Variants in C2orf72 observed in about 807,000 individuals in gnomAD.
C2orf72 encodes the protein chromosome 2 open reading frame 72.
In C2orf72, 16 loss-of-function variants were observed where a neutral mutation model predicts 14.4. The ratio of observed to expected loss-of-function variants is 1.11; its 90% CI spans 0.75 to 1.69. The LOEUF (loss-of-function observed/expected upper bound fraction) is 1.69. Ranked by LOEUF, C2orf72 falls within the 40% of genes most tolerant of loss-of-function variation. C2orf72 has a pLI of 0.00. For missense variants in C2orf72, 371 were observed against 358.3 expected, an observed-to-expected ratio of 1.04 and a Z score of -0.29; for synonymous variants, 168 against 176.8, an observed-to-expected ratio of 0.95 and a Z score of 0.40.
At chr2:231,039,787 G>A (rs1693316840) in intron 1 of C2orf72, among the ~76,000 whole-genome samples, 2 of 151,464 alleles carry the variant, frequency 1.3e-5, no homozygotes, top group Admixed American at 6.6e-5. Flanking sequence ...TTGTTGCCCA[G>A]GCTGGAGTGC....
chr2:231,046,559 T>A (rs189778598), intron 2 of C2orf72, among the ~76,000 whole-genome samples: 1 of 152,242 alleles, frequency 6.6e-6, no homozygotes, highest in African/African-American at 2.4e-5. Context: ...GTTGGTTGAT[T>A]CAGGGGCTCA....
At chr2:231,044,624 T>C (rs1231093788) in intron 2 of C2orf72, among the ~76,000 whole-genome samples, 2 of 151,810 alleles carry the variant, frequency 1.3e-5, no homozygotes, top group African/African-American at 4.8e-5. Flanking sequence ...AAAAATATTT[T>C]CTTTCTTTAT....
rs143498394 is a variant in C2orf72 at position 231,041,916 on chromosome 2, A to G, written c.748+507A>G. Reference sequence around the variant, plus strand: ...TGCAGAAGGAAACCAGTGAGGGCCAAGGCTGAAGGGAAGAGTTTGGACCAA... The same window carrying G: ...TGCAGAAGGAAACCAGTGAGGGCCAGGGCTGAAGGGAAGAGTTTGGACCAA... On this transcript the variant is annotated intron_variant, in intron 2 of 2. Coordinates refer to ENST00000373640, the MANE Select transcript of C2orf72 (RefSeq NM_001144994.2). Among the ~76,000 whole-genome samples, 129 of 152,272 alleles carry G rather than the reference A, an allele frequency of 8.5e-4. 1 individual carries two copies. The highest frequency in any genetic ancestry group is 2.7e-3 in the African/African-American group (113 of 41,538).
chr2:231,040,549 C>T (rs1693327941), intron 1 of C2orf72, among the ~76,000 whole-genome samples: 1 of 152,234 alleles, frequency 6.6e-6, no homozygotes, highest in Admixed American at 6.5e-5. Flanking sequence ...GCAGCTTTTG[C>T]AGTGGGCAGA....
intron 2 of C2orf72, among the ~76,000 whole-genome samples, chr2:231,042,930 G>A (rs377293437): frequency 2.0e-5 from 3 of 152,238 alleles, no homozygotes; most frequent in African/African-American, 4.8e-5. Context: ...CTTGGACCCC[G>A]GAGGTGGAGG....
chr2:231,044,945 TTATA>T (rs58611878), intron 2 of C2orf72, among the ~76,000 whole-genome samples: 40 of 141,660 alleles, frequency 2.8e-4, no homozygotes, highest in Non-Finnish European at 5.9e-4. Context: ...ATATATATCT[TTATA>T]TATATATATA....
intron 1 of C2orf72, 133 bp from the exon 2 acceptor site, chr2:231,041,161 ACT>A (rs1693334641): frequency 3.3e-6 from 2 of 603,474 alleles, no homozygotes; most frequent in Non-Finnish European, 5.6e-6. Flanking sequence ...TGCAAATCAG[ACT>A]CTGTGTTTTT....
At chr2:231,044,666 A>AT (rs934535205) in intron 2 of C2orf72, among the ~76,000 whole-genome samples, 15,675 of 115,026 alleles carry the variant, frequency 0.14, 2,425 homozygotes, top group African/African-American at 0.38. Context: ...TCCTATTTTA[A>AT]TTTTTTTTTT....
intron 1 of C2orf72, among the ~76,000 whole-genome samples, chr2:231,040,618 T>TAAAA (rs1435457750): frequency 3.9e-5 from 6 of 152,362 alleles, no homozygotes; most frequent in South Asian, 4.1e-4. Flanking sequence ...TGGTTGGATC[T>TAAAA]GTTTTTTTAA....
At position 231,047,164 on chromosome 2, in the gene C2orf72, T is replaced by A; in HGVS notation, c.*143T>A. On this transcript the variant is annotated 3_prime_UTR_variant, in exon 3 of 3. Transcript: ENST00000373640. ...ACACTCACAGTTACCAGCTAGACAG[T>A]GGGGCTTACTAAGACAAGCAGGACC... 2.0e-6 allele frequency: 2 copies of A among 1,006,038 alleles called. No individual in the cohort carries two copies. The highest frequency in any genetic ancestry group is 3.0e-6 in the Non-Finnish European group (2 of 658,648). The allele number at this position is 1,006,038 out of a possible 1,614,324, so 62.3% of individuals were successfully genotyped here.
chr2:231,047,221 C>A lies in C2orf72; in HGVS notation c.*200C>A. The A allele has an allele frequency of 2.8e-6, 2 of 710,896 alleles. No individual in the cohort carries two copies. Among genetic ancestry groups the A allele is most frequent in the Non-Finnish European group, 5.0e-6 (2 of 397,644 alleles). 44.0% of individuals were successfully genotyped at this position (710,896 alleles called of 1,614,324 possible). A position where few individuals can be genotyped will look rare whatever the true frequency, so the allele number is the denominator to read the frequency against. On this transcript the variant is annotated 3_prime_UTR_variant, in exon 3 of 3. Transcript: ENST00000373640. ...AGTGTCTCCCCTGGGAACCTACTCC[C>A]CACCCAGCATTTGCTAAGTCTGATC... is the stretch of plus-strand genomic sequence containing the variant.
At chr2:231,045,490 T>A (rs1693404037) in intron 2 of C2orf72, among the ~76,000 whole-genome samples, 1 of 150,988 alleles carries the variant, frequency 6.6e-6, no homozygotes. Flanking sequence ...GTGACAGGAA[T>A]TTTTTAGCTG....
At chr2:231,043,416 G>A (rs1693370694) in intron 2 of C2orf72, among the ~76,000 whole-genome samples, 1 of 151,224 alleles carries the variant, frequency 6.6e-6, no homozygotes, top group Non-Finnish European at 1.5e-5. Flanking sequence ...AAAAAAGAAA[G>A]AAAACAAATG....
chr2:231,041,504 C>T (rs892430578), intron 2 of C2orf72, 95 bp downstream of exon 2: 2 of 906,018 alleles, frequency 2.2e-6, no homozygotes, highest in Non-Finnish European at 3.4e-6. Flanking sequence ...ACAGAGTGGA[C>T]CAACATCTAT....
Position 231,042,271 on chromosome 2 carries a change from C to T in C2orf72, c.748+862C>T, listed in dbSNP as rs985412956. ...AGAGATAGGAAGCGCACTGATCCCCCCCTTATCCACGTGAGATGCTTTAAG... is the reference window on the plus strand; with the variant it reads ...AGAGATAGGAAGCGCACTGATCCCCTCCTTATCCACGTGAGATGCTTTAAG... On this transcript the variant is annotated intron_variant, in intron 2 of 2. Coordinates refer to ENST00000373640, the MANE Select transcript of C2orf72 (RefSeq NM_001144994.2). 2.6e-5 allele frequency among the ~76,000 whole-genome samples: 4 copies of T among 152,124 alleles called. No homozygotes were observed. The East Asian group carries it at 5.8e-4, about 22-fold the overall frequency.
Position 231,047,914 on chromosome 2 carries a change from G to T in C2orf72, c.*893G>T, listed in dbSNP as rs892598525. The T allele has an allele frequency of 6.6e-6, 1 of 152,376 alleles. No homozygotes were observed. Among genetic ancestry groups the T allele is most frequent in the East Asian group, 1.9e-4 (1 of 5,198 alleles). 9.4% of individuals were successfully genotyped at this position (152,376 alleles called of 1,614,324 possible). On this transcript the variant is annotated 3_prime_UTR_variant, in exon 3 of 3. Coordinates refer to ENST00000373640, the MANE Select transcript of C2orf72 (RefSeq NM_001144994.2). ...CCTCTTTCTTTCTCATGTTGACATC[G>T]ACTTTCTGTGCCAAGTCCTTTGGGT...
chr2:231,047,076 C>T lies in C2orf72; in HGVS notation c.*55C>T, dbSNP rs1049144567. Reference sequence around the variant, plus strand: ...TAACCTACAGACTGGGGCCTGGCTCCGTCTTACTGGCCCCCAGGTCTCCAT... The same window carrying T: ...TAACCTACAGACTGGGGCCTGGCTCTGTCTTACTGGCCCCCAGGTCTCCAT... On this transcript the variant is annotated 3_prime_UTR_variant, in exon 3 of 3. Coordinates refer to ENST00000373640, the MANE Select transcript of C2orf72 (RefSeq NM_001144994.2). 1.6e-5 allele frequency: 24 copies of T among 1,547,922 alleles called. No individual in the cohort carries two copies. Among genetic ancestry groups the T allele is most frequent in the African/African-American group, 1.5e-4 (11 of 72,948 alleles).
At chr2:231,040,797 G>A (rs1693331115) in intron 1 of C2orf72, among the ~76,000 whole-genome samples, 1 of 152,142 alleles carries the variant, frequency 6.6e-6, no homozygotes, top group African/African-American at 2.4e-5. Context: ...GAGTAAATTG[G>A]TCCTGAATAA....
At chr2:231,041,105 T>C (rs926292569) in intron 1 of C2orf72, 191 bp from the exon 2 acceptor site, 4 of 532,718 alleles carry the variant, frequency 7.5e-6, no homozygotes, top group Non-Finnish European at 1.3e-5. Flanking sequence ...TAGATAAAAG[T>C]AAAGCAATCA....
Sources: gnomAD v4.1 joint callset for allele counts (sites outside exome capture counted in the v4.1 genomes callset) on GRCh38, gnomAD v4.1.1 for gene constraint, MANE v1.5 for transcripts, NCBI Gene and HGNC (gene_info 2026-07-23, HGNC 2026-07-21) for gene names.